Variants in PPARG observed in about 807,000 individuals in gnomAD.
PPARG encodes peroxisome proliferator-activated receptor gamma.
PPARG carries 17 observed loss-of-function variants against 39.2 expected under a neutral mutation model. The ratio of observed to expected loss-of-function variants is 0.43; its 90% CI spans 0.30 to 0.65. PPARG has a LOEUF of 0.65. Among genes scored for constraint, PPARG ranks in the 30% least tolerant of loss-of-function variants. PPARG has a pLI of 0.13. For synonymous variants in PPARG, 223 were observed against 215.7 expected (o/e 1.03, Z -0.30); for missense variants, 406 against 585.9 (o/e 0.69, Z 3.17).
chr3:12,342,586 C>T (rs1429729802), intron 2 of PPARG, among the ~76,000 whole-genome samples: 3 of 152,204 alleles, frequency 2.0e-5, no homozygotes, highest in South Asian at 4.1e-4. Flanking sequence ...AATACACATG[C>T]TGTATGTATG....
At chr3:12,329,238 A>G (rs17793951) in intron 2 of PPARG, among the ~76,000 whole-genome samples, 36,042 of 151,636 alleles carry the variant, frequency 0.24, 5,230 homozygotes, top group Middle Eastern at 0.34. Context: ...TCTGATGTCA[A>G]TCACTCATTG....
intron 7 of PPARG, among the ~76,000 whole-genome samples, chr3:12,431,309 G>A (rs1264126780): frequency 6.6e-6 from 1 of 152,208 alleles, no homozygotes; most frequent in Non-Finnish European, 1.5e-5. Flanking sequence ...AAGACAAGCT[G>A]TTTAGAAAAG....
At chr3:12,374,187 A>T (rs1422886314) in intron 2 of PPARG, among the ~76,000 whole-genome samples, 3 of 152,084 alleles carry the variant, frequency 2.0e-5, no homozygotes, top group Non-Finnish European at 4.4e-5. Context: ...GCAAAACCAT[A>T]CCATTCTTGG....
intron 7 of PPARG, among the ~76,000 whole-genome samples, chr3:12,420,069 T>G (rs2051209993): frequency 6.6e-6 from 1 of 152,224 alleles, no homozygotes; most frequent in Admixed American, 6.5e-5. Context: ...TCAAGAAGTT[T>G]ACATGCACAC....
At chr3:12,409,506 T>C (rs187553087) in intron 6 of PPARG, among the ~76,000 whole-genome samples, 8 of 152,312 alleles carry the variant, frequency 5.3e-5, no homozygotes, top group Non-Finnish European at 8.8e-5. Context: ...ATAGCATCTA[T>C]CTCAGGGGTA....
chr3:12,319,767 A>G (rs985984320), intron 2 of PPARG, among the ~76,000 whole-genome samples: 6 of 151,962 alleles, frequency 3.9e-5, no homozygotes, highest in African/African-American at 1.2e-4. Context: ...TTTGGGAGCC[A>G]GGTCACTGAG....
chr3:12,347,203 A>T (rs1026025452), intron 2 of PPARG, among the ~76,000 whole-genome samples: 1 of 151,520 alleles, frequency 6.6e-6, no homozygotes, highest in African/African-American at 2.4e-5. Flanking sequence ...AAAAAGACAC[A>T]GCTGAGTGTG....
chr3:12,359,412 T>TA (rs1422632922), intron 2 of PPARG, among the ~76,000 whole-genome samples: 4 of 152,014 alleles, frequency 2.6e-5, no homozygotes, highest in Non-Finnish European at 4.4e-5. Context: ...GAAAACATTA[T>TA]AAAAAAATGG....
Position 12,392,738 on chromosome 3 carries a change from G to A in PPARG, c.515G>A (p.Gly172Glu). The A allele has an allele frequency of 6.2e-7, 1 of 1,613,754 alleles. No individual in the cohort carries two copies. The highest frequency in any genetic ancestry group is 1.1e-5 in the South Asian group (1 of 91,078). Residue 172 changes from glycine (G) to glutamate (E), a missense_variant, in exon 5 of 8, where the codon GGG (glycine) becomes GAG (glutamate). Gly to Glu is a moderately conservative substitution (Grantham distance 98, BLOSUM62 -2). Coordinates refer to ENST00000651735, the MANE Select transcript of PPARG (RefSeq NM_138711.6). ...CGGTTTCAGAAATGCCTTGCAGTGG[G>A]GATGTCTCATAATGGTAAGTAAACA... ...YCRFQKCLAV[G>E]MSHNAIRFGR...
At chr3:12,373,223 G>A (rs1156360927) in intron 2 of PPARG, among the ~76,000 whole-genome samples, 1 of 152,142 alleles carries the variant, frequency 6.6e-6, no homozygotes, top group East Asian at 1.9e-4. Context: ...GAACCACTGT[G>A]CCTCCCAGTA....
chr3:12,401,937 TA>T (rs1310150890), intron 5 of PPARG, among the ~76,000 whole-genome samples: 1 of 152,226 alleles, frequency 6.6e-6, no homozygotes, highest in African/African-American at 2.4e-5. Flanking sequence ...ATCCTAATTC[TA>T]AAATGGTTTT....
chr3:12,357,141 C>T (rs2048692562), intron 2 of PPARG, among the ~76,000 whole-genome samples: 1 of 152,124 alleles, frequency 6.6e-6, no homozygotes, highest in South Asian at 2.1e-4. Flanking sequence ...CTCAACCGGT[C>T]ACCCACAGAG....
chr3:12,400,671 C>T (rs773665450), intron 5 of PPARG, among the ~76,000 whole-genome samples: 10 of 152,168 alleles, frequency 6.6e-5, no homozygotes, highest in Non-Finnish European at 1.3e-4. Context: ...ATCTGTAGAA[C>T]AGACAGAATG....
chr3:12,429,271 A>G (rs1391257084), intron 7 of PPARG, among the ~76,000 whole-genome samples: 5 of 152,176 alleles, frequency 3.3e-5, no homozygotes, highest in African/African-American at 1.2e-4. Context: ...CTCCACTCCT[A>G]GAGAGGCCAG....
At chr3:12,287,392 A>G (rs1373079245), upstream of PPARG, 4 of 152,272 alleles carry the variant, frequency 2.6e-5, no homozygotes, top group Non-Finnish European at 5.9e-5. Flanking sequence ...AGGAACTCTG[A>G]AAGTGTGCAG....
intron 2 of PPARG, among the ~76,000 whole-genome samples, chr3:12,377,202 C>G (rs2049445823): frequency 6.6e-6 from 1 of 152,152 alleles, no homozygotes; most frequent in Admixed American, 6.5e-5. Flanking sequence ...TGATATTGGG[C>G]AAATGATTCA....
At position 12,379,727 on chromosome 3, in the gene PPARG, A is replaced by G. The variant is rs1464788240; in HGVS notation, c.16A>G (p.Met6Val). The G allele has an allele frequency of 1.9e-6, 3 of 1,614,010 alleles. No homozygotes were observed. The highest frequency in any genetic ancestry group is 2.2e-5 in the South Asian group (2 of 91,086). The change falls in exon 3 of 8, where the codon ATG becomes GTG. Residue 6 changes from methionine (M) to valine (V), a missense_variant. Physicochemically the swap from Met to Val is conservative, Grantham distance 21 (BLOSUM62 1). Coordinates refer to ENST00000651735, the MANE Select transcript of PPARG (RefSeq NM_138711.6). MVDTEMPFWPTNFGIS... is the reference protein window; with the variant it reads MVDTEVPFWPTNFGIS... Reference sequence around the variant, plus strand: ...AGAAATGACCATGGTTGACACAGAGATGCCATTCTGGCCCACCAACTTTGG... The same window carrying G: ...AGAAATGACCATGGTTGACACAGAGGTGCCATTCTGGCCCACCAACTTTGG...
intron 2 of PPARG, among the ~76,000 whole-genome samples, chr3:12,336,491 A>G (rs1476905682): frequency 2.0e-5 from 3 of 152,196 alleles, no homozygotes; most frequent in Non-Finnish European, 4.4e-5. Flanking sequence ...AAATGGAAAC[A>G]TTTACATTAT....
At chr3:12,418,352 A>G (rs1347590385) in intron 7 of PPARG, among the ~76,000 whole-genome samples, 1 of 152,162 alleles carries the variant, frequency 6.6e-6, no homozygotes, top group African/African-American at 2.4e-5. Flanking sequence ...TTAAGTGGCA[A>G]GTTTTCCTAT....
Sources: gnomAD v4.1 joint callset for allele counts (sites outside exome capture counted in the v4.1 genomes callset) on GRCh38, gnomAD v4.1.1 for gene constraint, MANE v1.5 for transcripts, NCBI Gene and HGNC (gene_info 2026-07-23, HGNC 2026-07-21) for gene names.